P2RY14: variants seen among roughly 807,000 people sequenced by gnomAD.
P2RY14 encodes the protein purinergic receptor P2Y14.
Under a neutral mutation model 0.9 loss-of-function variants are expected in P2RY14, and 2 were observed. The observed-to-expected ratio is 2.16, with a 90% CI of 0.88 to 6.79. The LOEUF (loss-of-function observed/expected upper bound fraction) is 6.79, where lower values mean the gene tolerates loss of function less well. Ranked by LOEUF, P2RY14 falls within the 30% of genes most tolerant of loss-of-function variation. P2RY14 has a pLI of 0.05. For synonymous variants in P2RY14, 158 were observed against 147.2 expected (o/e 1.07, Z -0.53); for missense variants, 378 against 400.1 (o/e 0.94, Z 0.47).
intron 1 of P2RY14, among the ~76,000 whole-genome samples, chr3:151,245,973 G>A (rs1359097546): frequency 1.3e-4 from 20 of 149,750 alleles, no homozygotes; most frequent in African/African-American, 3.2e-4. Context: ...TTATACACCA[G>A]CAACAGACAA....
chr3:151,237,353 T>TC (rs1733096170), intron 1 of P2RY14, among the ~76,000 whole-genome samples: 1 of 127,022 alleles, frequency 7.9e-6, no homozygotes. Flanking sequence ...TTTTTTTCTT[T>TC]TTTTTTTTTT....
intron 1 of P2RY14, among the ~76,000 whole-genome samples, chr3:151,258,901 G>A (rs1559949870): frequency 6.6e-6 from 1 of 151,766 alleles, no homozygotes. Flanking sequence ...GGTAGAGGAG[G>A]CTTTGTGGAT....
chr3:151,218,594 C>T (rs1194755492), intron 2 of P2RY14, among the ~76,000 whole-genome samples: 1 of 151,988 alleles, frequency 6.6e-6, no homozygotes, highest in Non-Finnish European at 1.5e-5. Flanking sequence ...TGTGGCCGGG[C>T]ACGGTGGCTC....
rs751942176 is a variant in P2RY14 at position 151,213,842 on chromosome 3, GAAT to G, written c.472_474del (p.Ile158del). The G allele has an allele frequency of 5.0e-6, 8 of 1,613,964 alleles. No individual in the cohort carries two copies. The South Asian group carries it at 8.8e-5, about 18-fold the overall frequency. Reference sequence around the variant, plus strand: ...ACCTCCCTAACACTCTGGTTGGTGAGAATAATATTTGGAACAGCAAGGAGGAGC... The same window carrying G: ...ACCTCCCTAACACTCTGGTTGGTGAGAATATTTGGAACAGCAAGGAGGAGC... On this transcript the variant is annotated inframe_deletion, in exon 3 of 3. Transcript: ENST00000309170.
intron 1 of P2RY14, among the ~76,000 whole-genome samples, chr3:151,228,155 A>G (rs1403504262): frequency 6.6e-6 from 1 of 152,202 alleles, no homozygotes; most frequent in Non-Finnish European, 1.5e-5. Flanking sequence ...CTCTGTTGGA[A>G]TAGTGGACAG....
chr3:151,216,307 A>G (rs750608571), intron 2 of P2RY14, among the ~76,000 whole-genome samples: 57 of 152,214 alleles, frequency 3.7e-4, no homozygotes, highest in Non-Finnish European at 1.3e-4. Flanking sequence ...GGGTACCTTG[A>G]TGTCAGAGAA....
rs559300310 is a variant in P2RY14, at chr3:151,266,737, A to G, written c.-133+11550T>C. On this transcript the variant is annotated intron_variant, in intron 1 of 2. Transcript: ENST00000309170. ...GACTTGGTGGCTTGGCACAGGGAAAAATAAAGCATACATGCAGGAAATAGT... is the reference window on the plus strand; with the variant it reads ...GACTTGGTGGCTTGGCACAGGGAAAGATAAAGCATACATGCAGGAAATAGT... 3.3e-5 allele frequency among the ~76,000 whole-genome samples: 5 copies of G among 152,320 alleles called. No homozygotes were observed. The East Asian group carries it at 5.8e-4, about 18-fold the overall frequency.
intron 1 of P2RY14, among the ~76,000 whole-genome samples, chr3:151,268,399 C>T (rs1295535289): frequency 1.3e-5 from 2 of 152,162 alleles, no homozygotes; most frequent in Non-Finnish European, 2.9e-5. Context: ...GGTGAGCATA[C>T]TGCTCTCCAT....
At chr3:151,218,560 G>A (rs1033263717) in intron 2 of P2RY14, among the ~76,000 whole-genome samples, 1 of 151,974 alleles carries the variant, frequency 6.6e-6, no homozygotes, top group African/African-American at 2.4e-5. Context: ...CATATATATA[G>A]CTAAACTTTT....
chr3:151,256,630 A>G (rs1336314919), intron 1 of P2RY14, among the ~76,000 whole-genome samples: 2 of 152,250 alleles, frequency 1.3e-5, no homozygotes, highest in African/African-American at 4.8e-5. Flanking sequence ...CTGCTGTCCT[A>G]CAGGAAAGAC....
intron 1 of P2RY14, among the ~76,000 whole-genome samples, chr3:151,221,516 A>G (rs1368624570): frequency 4.6e-5 from 7 of 152,188 alleles, no homozygotes; most frequent in South Asian, 2.1e-4. Context: ...TGCTGTGTGC[A>G]GCCTGGGGAA....
At chr3:151,226,413 T>A (rs1319000916) in intron 1 of P2RY14, among the ~76,000 whole-genome samples, 2 of 152,196 alleles carry the variant, frequency 1.3e-5, no homozygotes, top group African/African-American at 4.8e-5. Flanking sequence ...AGGACAGTGA[T>A]GCTTAAAATG....
At chr3:151,265,923 T>A (rs755788727) in intron 1 of P2RY14, among the ~76,000 whole-genome samples, 2 of 152,176 alleles carry the variant, frequency 1.3e-5, no homozygotes, top group Non-Finnish European at 2.9e-5. Context: ...GAATTGAAGA[T>A]GGCAGGCAAA....
chr3:151,218,029 T>C (rs555466569), intron 2 of P2RY14, among the ~76,000 whole-genome samples: 1 of 152,320 alleles, frequency 6.6e-6, no homozygotes, highest in African/African-American at 2.4e-5. Context: ...TTGGACCTCG[T>C]GATATCTACT....
chr3:151,277,105 G>T (rs1054116399), intron 1 of P2RY14, among the ~76,000 whole-genome samples: 1 of 151,752 alleles, frequency 6.6e-6, no homozygotes, highest in Non-Finnish European at 1.5e-5. Context: ...TACCACGTTG[G>T]CCAGGCTGGT....
intron 1 of P2RY14, among the ~76,000 whole-genome samples, chr3:151,243,672 G>A (rs1297168408): frequency 1.3e-5 from 2 of 151,890 alleles, no homozygotes; most frequent in East Asian, 1.9e-4. Context: ...ATGCCAAAAT[G>A]TAAAGACCAT....
chr3:151,238,020 A>G (rs1430063573), intron 1 of P2RY14, among the ~76,000 whole-genome samples: 1 of 152,208 alleles, frequency 6.6e-6, no homozygotes, highest in East Asian at 1.9e-4. Context: ...GTTATATTTC[A>G]AGAAGCAAAA....
At position 151,238,484 on chromosome 3, in the gene P2RY14, C is replaced by T. The variant is rs144059389; in HGVS notation, c.-132-18842G>A. ...TTTTAAAATGTGGTCTGCAGAACCACAGGGGTTCCTGACACCCTTTCAGAG... is the reference window on the plus strand; with the variant it reads ...TTTTAAAATGTGGTCTGCAGAACCATAGGGGTTCCTGACACCCTTTCAGAG... On this transcript the variant is annotated intron_variant, in intron 1 of 2. Coordinates refer to ENST00000309170, the MANE Select transcript of P2RY14 (RefSeq NM_014879.4). 2.0e-3 allele frequency among the ~76,000 whole-genome samples: 305 copies of T among 152,346 alleles called. 2 individuals are homozygous for T. Among genetic ancestry groups the T allele is most frequent in the Non-Finnish European group, 3.7e-3 (254 of 68,030 alleles).
intron 1 of P2RY14, among the ~76,000 whole-genome samples, chr3:151,233,733 C>T (rs1732179273): frequency 6.6e-6 from 1 of 152,072 alleles, no homozygotes; most frequent in Admixed American, 6.5e-5. Flanking sequence ...AACTCCGTCT[C>T]AAAAAAACAA....
Sources: gnomAD v4.1 joint callset for allele counts (sites outside exome capture counted in the v4.1 genomes callset) on GRCh38, gnomAD v4.1.1 for gene constraint, MANE v1.5 for transcripts, NCBI Gene and HGNC (gene_info 2026-07-23, HGNC 2026-07-21) for gene names.